DNMT1: variants seen among roughly 807,000 people sequenced by gnomAD.
DNMT1 encodes DNA (cytosine-5)-methyltransferase 1.
Under a neutral mutation model 205.3 loss-of-function variants are expected in DNMT1, and 24 were observed. The ratio of observed to expected loss-of-function variants is 0.12; its 90% CI spans 0.08 to 0.16. The LOEUF is 0.16. DNMT1 is among the 10% of genes least tolerant of loss of function. DNMT1 has a pLI of 1.00. For missense variants in DNMT1, 1,293 were observed against 2,177.7 expected (o/e 0.59, Z 8.09); for synonymous variants, 817 against 839.8 (o/e 0.97, Z 0.47).
chr19:10,171,817 A>AAATAAATG (rs1409364549), intron 9 of DNMT1, among the ~76,000 whole-genome samples: 1 of 148,640 alleles, frequency 6.7e-6, no homozygotes, highest in Non-Finnish European at 1.5e-5. Flanking sequence ...ATAAATAAAT[A>AAATAAATG]AATAAATAAA....
At chr19:10,143,384 C>A (rs1047000944) in intron 29 of DNMT1, among the ~76,000 whole-genome samples, 43 of 119,526 alleles carry the variant, frequency 3.6e-4, no homozygotes, top group African/African-American at 1.3e-3. Flanking sequence ...CCCAGCTAGT[C>A]TTTTTTTTTT....
chr19:10,158,089 CTA>C (rs1421613148), intron 17 of DNMT1, among the ~76,000 whole-genome samples: 1 of 152,212 alleles, frequency 6.6e-6, no homozygotes, highest in African/African-American at 2.4e-5. Context: ...AGGAACGAAT[CTA>C]TGATAGATCT....
At position 10,151,140 on chromosome 19, in the gene DNMT1, G is replaced by A. The variant is rs1272097354; in HGVS notation, c.2265+258C>T. Among the ~76,000 whole-genome samples the A allele has an allele frequency of 1.3e-5, 2 of 152,172 alleles. No homozygotes were observed. Among genetic ancestry groups the A allele is most frequent in the African/African-American group, 4.8e-5 (2 of 41,430 alleles). ...ACAAGCTATGAGGGCTCACCTGCCT[G>A]ATGCCCCTAGAACTGTGTCAAATGC... On this transcript the variant is annotated intron_variant, in intron 24 of 40. Coordinates refer to ENST00000359526, the MANE Select transcript of DNMT1 (RefSeq NM_001130823.3). This position sits in a 1 kb window ranked among gnomAD's most constrained non-coding sequence, Gnocchi z 5.0.
rs536919276 is a variant in DNMT1 at position 10,153,530 on chromosome 19, G to A, written c.2019+763C>T. Among the ~76,000 whole-genome samples the A allele has an allele frequency of 3.8e-4, 57 of 151,958 alleles. No individual in the cohort carries two copies. In the South Asian group the frequency reaches 6.2e-3, roughly 17 times the overall value. ...CGGGTGCCTATAATCCCAGCCACTC[G>A]GGAGGCTGAGGTGGGAGAACTGATT... On this transcript the variant is annotated intron_variant, in intron 22 of 40. Coordinates refer to ENST00000359526, the MANE Select transcript of DNMT1 (RefSeq NM_001130823.3).
chr19:10,162,823 A>G, intron 12 of DNMT1, 75 bp from the exon 13 acceptor site: 1 of 1,495,338 alleles, frequency 6.7e-7, no homozygotes, highest in East Asian at 2.3e-5. Flanking sequence ...ACGGAAAGTG[A>G]CAAACTAATG....
At chr19:10,143,726 G>A (rs774141897) in intron 29 of DNMT1, 40 bp downstream of exon 29, 43 of 1,608,166 alleles carry the variant, frequency 2.7e-5, no homozygotes, top group Non-Finnish European at 3.7e-5. Flanking sequence ...CCTTCTAGAA[G>A]AGTCTGTGGC....
intron 1 of DNMT1, among the ~76,000 whole-genome samples, chr19:10,192,941 G>A (rs544970496): frequency 5.3e-5 from 8 of 152,220 alleles, no homozygotes; most frequent in Non-Finnish European, 7.4e-5. Flanking sequence ...CAGCTACTTC[G>A]GAGGCTGAGG....
intron 11 of DNMT1, among the ~76,000 whole-genome samples, chr19:10,164,610 G>C (rs2038643965): frequency 6.6e-6 from 1 of 151,738 alleles, no homozygotes; most frequent in African/African-American, 2.4e-5. Flanking sequence ...GCAAGATCCT[G>C]TCTCAAAAAC....
In DNMT1 at chr19:10,146,322, GGCCCCGGCTGCTCC is replaced by G; in HGVS notation, c.2894+15_2894+28del. 1.2e-6 allele frequency: 2 copies of G among 1,612,858 alleles called. No homozygotes were observed. The highest frequency in any genetic ancestry group is 2.2e-5 in the South Asian group (2 of 91,000). Reference sequence around the variant, plus strand: ...AGCCTGGCTCAGCCTGGAGCGCCCTGGCCCCGGCTGCTCCGAGGGGGCACTTACTTGAACGTGAA... The same window carrying G: ...AGCCTGGCTCAGCCTGGAGCGCCCTGGAGGGGGCACTTACTTGAACGTGAA... On this transcript the variant is annotated intron_variant, in intron 28 of 40. Coordinates refer to ENST00000359526, the MANE Select transcript of DNMT1 (RefSeq NM_001130823.3). The surrounding 1 kb of genome is among the most constrained non-coding windows in gnomAD (Gnocchi z 4.4).
intron 1 of DNMT1, among the ~76,000 whole-genome samples, chr19:10,183,111 G>A (rs1258940956): frequency 1.3e-4 from 17 of 134,806 alleles, no homozygotes; most frequent in Admixed American, 1.1e-3. Context: ...ATATACGTGT[G>A]TATATATATA....
rs1040708437 is a variant in DNMT1 at position 10,133,356 on chromosome 19, G to A, written c.*311C>T. 3 of 454,136 alleles carry A rather than the reference G, an allele frequency of 6.6e-6. No homozygotes were observed. The highest frequency in any genetic ancestry group is 1.9e-5 in the African/African-American group (1 of 51,340). 28.1% of individuals were successfully genotyped at this position (454,136 alleles called of 1,614,324 possible). Reference sequence around the variant, plus strand: ...AATACCCACCCAGGGTGGTTTATAGGAGAGATTTATTTGAAGAAATATTAC... The same window carrying A: ...AATACCCACCCAGGGTGGTTTATAGAAGAGATTTATTTGAAGAAATATTAC... On this transcript the variant is annotated 3_prime_UTR_variant, in exon 41 of 41. Transcript: ENST00000359526. The surrounding 1 kb of genome is among the most constrained non-coding windows in gnomAD (Gnocchi z 4.1).
chr19:10,152,272 A>T (rs1020334878), intron 22 of DNMT1, among the ~76,000 whole-genome samples: 2 of 141,452 alleles, frequency 1.4e-5, no homozygotes, highest in African/African-American at 5.1e-5. Flanking sequence ...CAAAAAATTA[A>T]AAAAAAAAAA....
chr19:10,166,453 G>A, intron 11 of DNMT1, 145 bp downstream of exon 11: 4 of 946,862 alleles, frequency 4.2e-6, no homozygotes, highest in South Asian at 1.4e-5. Flanking sequence ...AGGAAAAGGT[G>A]ACCTTCCCAG....
Position 10,137,712 on chromosome 19 carries a change from C to A in DNMT1, c.4293+120G>T. ...AGGGGTCACACAAAGGCTGAGGACTCGGGAGGAGGAGCCTGGGATCAGATT... is the reference window on the plus strand; with the variant it reads ...AGGGGTCACACAAAGGCTGAGGACTAGGGAGGAGGAGCCTGGGATCAGATT... On this transcript the variant is annotated intron_variant, in intron 36 of 40. Transcript: ENST00000359526. This position sits in a 1 kb window ranked among gnomAD's most constrained non-coding sequence, Gnocchi z 6.4. The A allele has an allele frequency of 7.3e-7, 1 of 1,371,496 alleles. No individual in the cohort carries two copies. The highest frequency in any genetic ancestry group is 1.2e-5 in the South Asian group (1 of 80,046). 85.0% of individuals were successfully genotyped at this position (1,371,496 alleles called of 1,614,324 possible).
At chr19:10,139,320 C>T (rs1465203151) in intron 34 of DNMT1, among the ~76,000 whole-genome samples, 1 of 152,224 alleles carries the variant, frequency 6.6e-6, no homozygotes, top group Non-Finnish European at 1.5e-5. Context: ...GCGCACCTCA[C>T]TTCCCCTCCC....
intron 9 of DNMT1, among the ~76,000 whole-genome samples, chr19:10,168,704 A>T (rs2145346072): frequency 6.6e-6 from 1 of 152,336 alleles, no homozygotes; most frequent in East Asian, 1.9e-4. Flanking sequence ...TCATCAGTTA[A>T]GTGTTGATAG....
intron 39 of DNMT1, among the ~76,000 whole-genome samples, 193 bp from the exon 40 acceptor site, chr19:10,134,500 C>T (rs1236827100): frequency 6.6e-6 from 1 of 152,234 alleles, no homozygotes; most frequent in East Asian, 1.9e-4. Context: ...ACTGGCCCAT[C>T]ATCCCGCCCC....
chr19:10,169,268 C>G (rs537034181), intron 9 of DNMT1, among the ~76,000 whole-genome samples: 1 of 151,410 alleles, frequency 6.6e-6, no homozygotes, highest in South Asian at 2.1e-4. Flanking sequence ...TGCAGCTGGG[C>G]ACAGTGGCTC....
chr19:10,186,427 C>T (rs1460341865), intron 1 of DNMT1, among the ~76,000 whole-genome samples: 1 of 152,036 alleles, frequency 6.6e-6, no homozygotes, highest in African/African-American at 2.4e-5. Flanking sequence ...TCGCAGACAG[C>T]CGTGAAGGAC....
Sources: gnomAD v4.1 joint callset for allele counts (sites outside exome capture counted in the v4.1 genomes callset) on GRCh38, gnomAD v4.1.1 for gene constraint, Gnocchi (gnomAD v3.1) non-coding constraint, MANE v1.5 for transcripts, NCBI Gene and HGNC (gene_info 2026-07-23, HGNC 2026-07-21) for gene names.